Variants in EBF1 observed in about 807,000 individuals in gnomAD.
EBF1 encodes transcription factor COE1.
A neutral mutation model predicts 68.4 loss-of-function variants in EBF1; 10 were observed. The observed-to-expected ratio is 0.15, with a 90% CI of 0.09 to 0.25. EBF1 has a LOEUF of 0.25. Ranked by LOEUF, EBF1 falls within the 10% of genes least tolerant of loss-of-function variation. The pLI, the probability that EBF1 is intolerant of heterozygous loss-of-function variation, is 1.00. For missense variants in EBF1, 509 were observed against 794.4 expected (o/e 0.64, Z 4.32); for synonymous variants, 298 against 299.8 (o/e 0.99, Z 0.06).
At chr5:158,835,981 A>G (rs1562071931) in intron 7 of EBF1, among the ~76,000 whole-genome samples, 1 of 152,216 alleles carries the variant, frequency 6.6e-6, no homozygotes, top group African/African-American at 2.4e-5. Context: ...CATAAAGGTA[A>G]ACACATGGAC....
At chr5:158,926,743 A>G (rs911778461) in intron 6 of EBF1, among the ~76,000 whole-genome samples, 1 of 151,564 alleles carries the variant, frequency 6.6e-6, no homozygotes, top group Non-Finnish European at 1.5e-5. Flanking sequence ...AAAAAAAAAG[A>G]AAAGAAAAAA....
chr5:158,712,227 G>T lies in EBF1; in HGVS notation c.1476C>A (p.Gly492=). The change falls in exon 14 of 16, where the codon GGC becomes GGA. Residue 492 remains glycine (G), a synonymous_variant. Transcript: ENST00000313708. The part of the protein sequence containing the change: ...NSVTTSMNGY[G]SAAMSNLGGS... The stretch of plus-strand genomic sequence containing the variant: ...CGCCCAAATTGGACATTGCGGCAGA[G>T]CCGTATCCGTTCATGCTCGTGGTGA... 1 of 1,613,840 alleles carries T rather than the reference G, an allele frequency of 6.2e-7. No individual in the cohort carries two copies. The highest frequency in any genetic ancestry group is 8.5e-7 in the Non-Finnish European group (1 of 1,179,894).
chr5:159,068,815 TA>T (rs1738888517), intron 6 of EBF1, among the ~76,000 whole-genome samples: 1 of 152,066 alleles, frequency 6.6e-6, no homozygotes, highest in Non-Finnish European at 1.5e-5. Flanking sequence ...AAAAAAGAAA[TA>T]CAGGCATTTT....
intron 14 of EBF1, among the ~76,000 whole-genome samples, chr5:158,711,141 CT>C (rs1156951023): frequency 2.0e-5 from 3 of 151,852 alleles, no homozygotes; most frequent in Non-Finnish European, 4.4e-5. Context: ...TGCCAGATTT[CT>C]GGAAAAGTGT....
intron 10 of EBF1, among the ~76,000 whole-genome samples, chr5:158,734,586 G>T (rs1201131790): frequency 6.6e-6 from 1 of 152,070 alleles, no homozygotes; most frequent in African/African-American, 2.4e-5. Flanking sequence ...CATCTACTCT[G>T]CAAGAATGTA....
chr5:158,800,778 G>A (rs1232970109), intron 8 of EBF1, among the ~76,000 whole-genome samples: 1 of 152,090 alleles, frequency 6.6e-6, no homozygotes, highest in African/African-American at 2.4e-5. Flanking sequence ...CACAGTGGAT[G>A]GATTCAGTGG....
intron 9 of EBF1, among the ~76,000 whole-genome samples, chr5:158,794,138 C>T (rs559658834): frequency 2.0e-4 from 31 of 152,222 alleles, no homozygotes; most frequent in East Asian, 7.7e-4. Context: ...AAGAGCAGCA[C>T]GAAAGCAGGG....
intron 10 of EBF1, among the ~76,000 whole-genome samples, chr5:158,743,201 G>A (rs1766810544): frequency 3.9e-5 from 6 of 152,196 alleles, no homozygotes; most frequent in Admixed American, 3.9e-4. Context: ...CTGTAGTAGA[G>A]TCAGGGAAAT....
At chr5:158,712,780 T>C (rs1759696524) in intron 13 of EBF1, among the ~76,000 whole-genome samples, 190 bp downstream of exon 13, 1 of 152,240 alleles carries the variant, frequency 6.6e-6, no homozygotes, top group African/African-American at 2.4e-5. Context: ...GCATCCTTTC[T>C]AGCCCTCTAT....
intron 6 of EBF1, among the ~76,000 whole-genome samples, chr5:158,980,137 A>G (rs772324723): frequency 6.6e-5 from 10 of 152,250 alleles, no homozygotes; most frequent in Non-Finnish European, 1.5e-4. Context: ...GAAAATGACT[A>G]GACCCCATTT....
At chr5:159,075,238 A>G (rs10040316) in intron 5 of EBF1, among the ~76,000 whole-genome samples, 31,942 of 151,996 alleles carry the variant, frequency 0.21, 4,677 homozygotes, top group African/African-American at 0.41. Context: ...CTTCATGACT[A>G]GCCTCACTAA....
chr5:158,881,507 G>C (rs1036024142), intron 6 of EBF1, among the ~76,000 whole-genome samples: 2 of 152,184 alleles, frequency 1.3e-5, no homozygotes, highest in South Asian at 4.1e-4. Context: ...AGGGCATTTG[G>C]CTGTCTTTTG....
chr5:158,705,531 T>G (rs1469250293), intron 15 of EBF1, among the ~76,000 whole-genome samples: 2 of 152,178 alleles, frequency 1.3e-5, no homozygotes, highest in Non-Finnish European at 2.9e-5. Flanking sequence ...CTCTGTACTT[T>G]TGGGATCTGT....
intron 3 of EBF1, among the ~76,000 whole-genome samples, 167 bp from the exon 4 acceptor site, chr5:159,095,842 C>A (rs1394280601): frequency 6.6e-6 from 1 of 152,254 alleles, no homozygotes; most frequent in South Asian, 2.1e-4. Flanking sequence ...AATACAGCCA[C>A]GATCTCCCTT....
At chr5:159,002,132 T>C (rs1051008841) in intron 6 of EBF1, among the ~76,000 whole-genome samples, 1 of 148,022 alleles carries the variant, frequency 6.8e-6, no homozygotes, top group Non-Finnish European at 1.5e-5. Flanking sequence ...AGGTGAGAAA[T>C]AAAAGAAACC....
chr5:158,967,098 A>G (rs1754329075), intron 6 of EBF1, among the ~76,000 whole-genome samples: 2 of 151,500 alleles, frequency 1.3e-5, no homozygotes, highest in South Asian at 4.2e-4. Flanking sequence ...GATTTGGGGG[A>G]ATGTACTTAT....
intron 11 of EBF1, among the ~76,000 whole-genome samples, chr5:158,717,815 T>C (rs942457321): frequency 1.3e-5 from 2 of 152,140 alleles, no homozygotes; most frequent in Admixed American, 6.6e-5. Flanking sequence ...AAAGCTTTAC[T>C]CCTTAAAAAC....
intron 6 of EBF1, among the ~76,000 whole-genome samples, chr5:158,975,244 A>G (rs1756488483): frequency 2.6e-5 from 4 of 152,222 alleles, no homozygotes; most frequent in Admixed American, 2.6e-4. Context: ...CACCTCCTGT[A>G]TCTCTTTCCA....
chr5:159,097,949 A>G (rs916570741), intron 1 of EBF1, among the ~76,000 whole-genome samples: 4 of 152,036 alleles, frequency 2.6e-5, no homozygotes, highest in Non-Finnish European at 4.4e-5. Flanking sequence ...ACACACATAG[A>G]AGAACACACA....
Sources: allele counts gnomAD v4.1 joint callset (sites outside exome capture counted in the v4.1 genomes callset), GRCh38; gene constraint gnomAD v4.1.1; transcripts MANE v1.5; gene names NCBI Gene and HGNC (gene_info 2026-07-23, HGNC 2026-07-21).